Variants in FER observed in about 807,000 individuals in gnomAD.
The protein encoded by FER is tyrosine-protein kinase Fer.
A neutral mutation model predicts 111.0 loss-of-function variants in FER; 63 were observed. The ratio of observed to expected loss-of-function variants is 0.57; its 90% CI spans 0.46 to 0.70. The LOEUF (loss-of-function observed/expected upper bound fraction) is 0.70, where lower values mean the gene tolerates loss of function less well. FER is among the 30% of genes least tolerant of loss of function. FER has a pLI of 0.00. For synonymous variants in FER, 327 were observed against 313.9 expected (o/e 1.04, Z -0.44); for missense variants, 914 against 954.0 (o/e 0.96, Z 0.55).
chr5:109,168,550 G>A (rs997591131), intron 17 of FER, among the ~76,000 whole-genome samples: 2 of 152,106 alleles, frequency 1.3e-5, no homozygotes, highest in Non-Finnish European at 2.9e-5. Flanking sequence ...GATGAGGGAG[G>A]TGCTGGAGGG....
At chr5:109,008,428 A>C (rs923683752) in intron 13 of FER, among the ~76,000 whole-genome samples, 1 of 151,934 alleles carries the variant, frequency 6.6e-6, no homozygotes, top group Non-Finnish European at 1.5e-5. Context: ...TCCTTCTTTT[A>C]CTAAGAACCT....
intron 8 of FER, among the ~76,000 whole-genome samples, chr5:108,878,904 A>G (rs1765364235): frequency 6.6e-6 from 1 of 152,164 alleles, no homozygotes; most frequent in Admixed American, 6.6e-5. Context: ...TTAGTTGTTA[A>G]GGGTGTGGAT....
intron 2 of FER, among the ~76,000 whole-genome samples, chr5:108,797,698 T>G (rs940028400): frequency 6.6e-6 from 1 of 152,242 alleles, no homozygotes; most frequent in African/African-American, 2.4e-5. Flanking sequence ...CTGGGTACTG[T>G]GATTGCTCAC....
intron 14 of FER, among the ~76,000 whole-genome samples, chr5:109,039,185 A>G (rs1458430892): frequency 1.3e-5 from 2 of 151,628 alleles, no homozygotes; most frequent in African/African-American, 4.8e-5. Context: ...TTAAGTTATA[A>G]TATAAGGTAA....
intron 10 of FER, among the ~76,000 whole-genome samples, chr5:108,903,384 G>T (rs1424221036): frequency 3.3e-5 from 5 of 152,100 alleles, no homozygotes; most frequent in African/African-American, 1.2e-4. Flanking sequence ...AAATTGTCAG[G>T]CCAGGCCTGG....
chr5:109,142,133 T>C (rs1216118313), intron 17 of FER, among the ~76,000 whole-genome samples: 1 of 151,950 alleles, frequency 6.6e-6, no homozygotes, highest in Non-Finnish European at 1.5e-5. Context: ...TTTAAGAGGG[T>C]GAAGATAGAG....
At chr5:109,156,013 T>C (rs1755336809) in intron 17 of FER, among the ~76,000 whole-genome samples, 1 of 151,956 alleles carries the variant, frequency 6.6e-6, no homozygotes, top group South Asian at 2.1e-4. Context: ...AAAGTAAGAA[T>C]AGAAAAATGA....
At chr5:109,079,042 T>TAGTTGAATATCAGATTG (rs1776688483) in intron 16 of FER, among the ~76,000 whole-genome samples, 1 of 152,184 alleles carries the variant, frequency 6.6e-6, no homozygotes, top group Non-Finnish European at 1.5e-5. Flanking sequence ...CATACCCACA[T>TAGTTGAATATCAGATTG]AGTTGAATAT....
chr5:109,138,784 T>C (rs961692385), intron 17 of FER, among the ~76,000 whole-genome samples: 7 of 152,210 alleles, frequency 4.6e-5, no homozygotes, highest in Admixed American at 6.5e-5. Context: ...CAGAAAGAGA[T>C]GATAAGGGTT....
At chr5:108,945,349 T>G (rs1756840987) in intron 10 of FER, among the ~76,000 whole-genome samples, 3 of 122,972 alleles carry the variant, frequency 2.4e-5, no homozygotes, top group Non-Finnish European at 4.0e-5. Context: ...CTAGTTTTGG[T>G]TTTTTTTCCT....
intron 17 of FER, among the ~76,000 whole-genome samples, chr5:109,156,269 G>A (rs1755362674): frequency 6.6e-6 from 1 of 151,964 alleles, no homozygotes; most frequent in Admixed American, 6.6e-5. Context: ...GATTTGAAAG[G>A]CCTTAAGTTC....
chr5:109,118,340 A>G (rs1209645347), intron 17 of FER, among the ~76,000 whole-genome samples: 1 of 152,208 alleles, frequency 6.6e-6, no homozygotes, highest in African/African-American at 2.4e-5. Flanking sequence ...CCAGCCTTGC[A>G]TCCCAGGGAT....
rs1400745168 is a variant in FER at position 109,146,197 on chromosome 5, T to TAA, written c.2049-34549_2049-34548dup. 2.4e-3 allele frequency among the ~76,000 whole-genome samples: 271 copies of TAA among 113,524 alleles called. 6 individuals carry two copies. Among genetic ancestry groups the TAA allele is most frequent in the African/African-American group, 7.8e-3 (236 of 30,422 alleles). The allele number at this position is 113,524 out of a possible 152,430, so 74.5% of individuals were successfully genotyped here. ...TGCAGCAAAAAAATACATATATATA[T>TAA]AATCTATCTATTTTATATATATATA... On this transcript the variant is annotated intron_variant, in intron 17 of 19. Coordinates refer to ENST00000281092, the MANE Select transcript of FER (RefSeq NM_005246.4).
At chr5:108,878,026 T>C (rs576027869) in intron 8 of FER, among the ~76,000 whole-genome samples, 2 of 152,176 alleles carry the variant, frequency 1.3e-5, no homozygotes, top group South Asian at 4.2e-4. Flanking sequence ...CTGCCTCAGC[T>C]TTCCAAGTAA....
At chr5:109,119,653 T>C (rs1415036563) in intron 17 of FER, among the ~76,000 whole-genome samples, 1 of 152,118 alleles carries the variant, frequency 6.6e-6, no homozygotes, top group East Asian at 1.9e-4. Flanking sequence ...TAAGTCTCTT[T>C]GTAGGTCTCT....
At chr5:108,872,282 TA>T in intron 8 of FER, 70 bp downstream of exon 8, 1 of 1,375,952 alleles carries the variant, frequency 7.3e-7, no homozygotes, top group Non-Finnish European at 9.8e-7. Context: ...TACTCAGATT[TA>T]AAATATCAAT....
chr5:109,044,774 T>C lies in FER; in HGVS notation c.1808T>C (p.Ile603Thr). 1 of 1,561,842 alleles carries C rather than the reference T, an allele frequency of 6.4e-7. No homozygotes were observed. The highest frequency in any genetic ancestry group is 1.2e-5 in the South Asian group (1 of 82,712). Reference protein sequence around the residue: ...CKEDLPQELKIKFLQEAKILK... With the variant: ...CKEDLPQELKTKFLQEAKILK... ...GAAGATCTTCCTCAGGAATTGAAAA[T>C]AAAATTTTTACAAGAAGCCAAGTGA... The change falls in exon 15 of 20, where the codon ATA becomes ACA. Residue 603 changes from isoleucine (I) to threonine (T), a missense_variant. Around this residue, in one of 3 missense-constraint regions of FER, gnomAD observed 774 missense variants for 782.6 expected, o/e 0.99. Transcript: ENST00000281092.
intron 9 of FER, among the ~76,000 whole-genome samples, chr5:108,887,962 T>C (rs972205339): frequency 5.3e-5 from 8 of 151,886 alleles, no homozygotes; most frequent in African/African-American, 1.7e-4. Flanking sequence ...TTAACCTGTT[T>C]TATATCATTA....
At chr5:108,893,818 G>A (rs561504738) in intron 9 of FER, among the ~76,000 whole-genome samples, 9 of 152,068 alleles carry the variant, frequency 5.9e-5, no homozygotes, top group South Asian at 2.1e-4. Context: ...ATGAATAGTC[G>A]TCTTTTAAAG....
Sources: gnomAD v4.1 joint callset for allele counts (sites outside exome capture counted in the v4.1 genomes callset) on GRCh38, gnomAD v4.1.1 for gene constraint, gnomAD v4.1.1 regional missense constraint, MANE v1.5 for transcripts, NCBI Gene and HGNC (gene_info 2026-07-23, HGNC 2026-07-21) for gene names.